C2orf74: variants seen among roughly 807,000 people sequenced by gnomAD.
The protein encoded by C2orf74 is DPM1 ER membrane anchor 1, also known as uncharacterized protein C2orf74.
A neutral mutation model predicts 17.9 loss-of-function variants in C2orf74; 14 were observed. The observed-to-expected ratio is 0.78, with a 90% CI of 0.52 to 1.22. The LOEUF is 1.22. C2orf74 is among the 50% of genes most tolerant of loss of function. The pLI is 0.00. For synonymous variants in C2orf74, 79 were observed against 72.6 expected (o/e 1.09, Z -0.44); for missense variants, 217 against 218.4 (o/e 0.99, Z 0.04).
chr2:61,155,565 G>C (rs1420685022), intron 1 of C2orf74, among the ~76,000 whole-genome samples: 2 of 152,080 alleles, frequency 1.3e-5, no homozygotes, highest in Non-Finnish European at 2.9e-5. Flanking sequence ...CTGTCCCCCA[G>C]GCTGGAGTGC....
chr2:61,157,743 A>G (rs894727060), upstream of C2orf74: 3 of 404,136 alleles, frequency 7.4e-6, no homozygotes, highest in African/African-American at 6.2e-5. Flanking sequence ...GACTATCCTG[A>G]TCAGCCAGGC....
Position 61,152,891 on chromosome 2 carries a change from C to T in C2orf74, c.-122+7695C>T, listed in dbSNP as rs865956263. Among the ~76,000 whole-genome samples the T allele has an allele frequency of 4.7e-5, 7 of 150,294 alleles. No individual in the cohort carries two copies. The South Asian group carries it at 1.3e-3, about 27-fold the overall frequency. The stretch of plus-strand genomic sequence containing the variant: ...AAAAAGCCAGGCGCGCGCGGTGGCT[C>T]GCGCCTGTAATCCCAGTACTTTGGG... On this transcript the variant is annotated intron_variant, in intron 1 of 3. Transcript: ENST00000426997.
intron 1 of C2orf74, among the ~76,000 whole-genome samples, chr2:61,154,835 G>A (rs553853398): frequency 9.4e-4 from 143 of 151,936 alleles, no homozygotes; most frequent in Non-Finnish European, 1.7e-3. Flanking sequence ...TAGGCGGATC[G>A]CTTGAGGTCA....
chr2:61,145,589 A>G (rs545605408), intron 1 of C2orf74, among the ~76,000 whole-genome samples: 1 of 152,072 alleles, frequency 6.6e-6, no homozygotes, highest in African/African-American at 2.4e-5. Context: ...ACGCCAGGCT[A>G]ATTTTTATAT....
At chr2:61,161,665 T>C (rs1219470261), upstream of C2orf74, 2 of 152,248 alleles carry the variant, frequency 1.3e-5, no homozygotes, top group Non-Finnish European at 2.9e-5. Flanking sequence ...GCATCAATAT[T>C]CATAAAGGAT....
At chr2:61,148,634 G>T (rs1685137606) in intron 1 of C2orf74, among the ~76,000 whole-genome samples, 1 of 151,994 alleles carries the variant, frequency 6.6e-6, no homozygotes, top group Admixed American at 6.5e-5. Flanking sequence ...CAAGACTTTT[G>T]CCCATTTTCT....
upstream of C2orf74, among the ~76,000 whole-genome samples, chr2:61,161,176 TC>T (rs1352029644): frequency 9.2e-5 from 14 of 152,226 alleles, no homozygotes; most frequent in Admixed American, 9.2e-4. Context: ...AACATTTTTT[TC>T]ATGTGCTTAT....
chr2:61,163,473 AC>A (rs1336957909), intron 4 of C2orf74, among the ~76,000 whole-genome samples: 2 of 151,252 alleles, frequency 1.3e-5, no homozygotes, highest in Non-Finnish European at 3.0e-5. Context: ...GCGTGGTGGC[AC>A]CCGCCTGTAA....
chr2:61,163,251 C>T lies in C2orf74; in HGVS notation c.390+19C>T, dbSNP rs368867764. The stretch of plus-strand genomic sequence containing the variant: ...AGAAGAGGTGATGTGTTTTTCTACT[C>T]TCAAAGAGCAGTTTAGAATTTGTTT... On this transcript the variant is annotated intron_variant, in intron 4 of 4. Transcript: ENST00000432605. 64 of 1,544,866 alleles carry T rather than the reference C, an allele frequency of 4.1e-5. No individual in the cohort carries two copies. The highest frequency in any genetic ancestry group is 5.5e-5 in the Non-Finnish European group (63 of 1,144,532).
intron 1 of C2orf74, among the ~76,000 whole-genome samples, chr2:61,147,230 T>G (rs1685098914): frequency 6.6e-6 from 1 of 152,014 alleles, no homozygotes; most frequent in Non-Finnish European, 1.5e-5. Context: ...TTCCTTTTTT[T>G]TTTTTGACAA....
chr2:61,155,243 C>G (rs1295125833), intron 1 of C2orf74, among the ~76,000 whole-genome samples: 2 of 152,130 alleles, frequency 1.3e-5, no homozygotes, highest in Non-Finnish European at 2.9e-5. Context: ...ACAAGAGAAA[C>G]TAATTTCTAG....
intron 1 of C2orf74, among the ~76,000 whole-genome samples, chr2:61,156,390 A>C (rs1685392677): frequency 1.3e-5 from 2 of 151,974 alleles, no homozygotes; most frequent in Admixed American, 1.3e-4. Context: ...AAGAAAACAA[A>C]AATCAAAACA....
At chr2:61,150,771 A>T (rs964543850) in intron 1 of C2orf74, among the ~76,000 whole-genome samples, 1 of 152,164 alleles carries the variant, frequency 6.6e-6, no homozygotes, top group Non-Finnish European at 1.5e-5. Flanking sequence ...GTTGGAGTTT[A>T]TGAGGAAAAG....
At chr2:61,154,274 A>G (rs1306692920) in intron 1 of C2orf74, among the ~76,000 whole-genome samples, 1 of 152,016 alleles carries the variant, frequency 6.6e-6, no homozygotes, top group Non-Finnish European at 1.5e-5. Flanking sequence ...CAAAAGTTCA[A>G]ATTCCAATAG....
upstream of C2orf74, among the ~76,000 whole-genome samples, chr2:61,160,667 C>T (rs899342089): frequency 7.2e-5 from 11 of 151,774 alleles, no homozygotes; most frequent in Non-Finnish European, 1.6e-4. Flanking sequence ...CGCCACCACG[C>T]CCAGCTAGTT....
intron 1 of C2orf74, among the ~76,000 whole-genome samples, chr2:61,145,494 G>A (rs1436424821): frequency 6.6e-6 from 1 of 152,070 alleles, no homozygotes; most frequent in Non-Finnish European, 1.5e-5. Flanking sequence ...TGCAATCTCG[G>A]CTCACTGCAC....
intron 1 of C2orf74, among the ~76,000 whole-genome samples, chr2:61,153,100 C>T (rs552461492): frequency 1.5e-3 from 210 of 143,084 alleles, no homozygotes; most frequent in Middle Eastern, 7.5e-3. Context: ...TGGGGTGAGC[C>T]GAGATGGTGC....
intron 1 of C2orf74, among the ~76,000 whole-genome samples, chr2:61,149,585 T>C (rs998535103): frequency 0.015 from 2,238 of 144,574 alleles, 35 homozygotes; most frequent in Non-Finnish European, 0.024. Flanking sequence ...TTTTTTTTTT[T>C]TTTTTTTTTT....
At chr2:61,159,196 C>A (rs1685489204), upstream of C2orf74, 1 of 232,286 alleles carries the variant, frequency 4.3e-6, no homozygotes, top group African/African-American at 2.3e-5. Flanking sequence ...TGGGGTTTCA[C>A]CATGTTAGCC....
Sources: gnomAD v4.1 joint callset for allele counts (sites outside exome capture counted in the v4.1 genomes callset) on GRCh38, gnomAD v4.1.1 for gene constraint, MANE v1.5 for transcripts, NCBI Gene and HGNC (gene_info 2026-07-23, HGNC 2026-07-21) for gene names.